KCNIP4: variants seen among roughly 807,000 people sequenced by gnomAD.
KCNIP4 encodes the protein potassium voltage-gated channel interacting protein 4.
A neutral mutation model predicts 34.0 loss-of-function variants in KCNIP4; 12 were observed. The observed-to-expected ratio is 0.35, with a 90% confidence interval of 0.23 to 0.57. The LOEUF is 0.57. Ranked by LOEUF, KCNIP4 falls within the 20% of genes least tolerant of loss-of-function variation. The probability of loss-of-function intolerance (pLI) is 0.83; values close to 1 mark genes in which losing one functional copy is unlikely to be tolerated. For synonymous variants in KCNIP4, 124 were observed against 102.2 expected, an observed-to-expected ratio of 1.21 and a Z score of -1.29; for missense variants, 238 against 311.7, an observed-to-expected ratio of 0.76 and a Z score of 1.78.
At chr4:21,137,712 A>G (rs1751607322) in intron 1 of KCNIP4, among the ~76,000 whole-genome samples, 1 of 152,084 alleles carries the variant, frequency 6.6e-6, no homozygotes, top group African/African-American at 2.4e-5. Context: ...AGTTATGATG[A>G]GATTACTAGC....
At chr4:21,296,335 G>A (rs1170357704) in intron 1 of KCNIP4, among the ~76,000 whole-genome samples, 1 of 151,508 alleles carries the variant, frequency 6.6e-6, no homozygotes, top group Non-Finnish European at 1.5e-5. Flanking sequence ...TACAAGCACA[G>A]CTCTCACTTG....
intron 1 of KCNIP4, among the ~76,000 whole-genome samples, chr4:21,497,856 A>G (rs1385108138): frequency 3.3e-5 from 5 of 152,196 alleles, no homozygotes; most frequent in Non-Finnish European, 5.9e-5. Context: ...TTACAATACA[A>G]TAAAAACGTC....
At chr4:21,065,909 T>C (rs1744342032) in intron 1 of KCNIP4, among the ~76,000 whole-genome samples, 1 of 151,836 alleles carries the variant, frequency 6.6e-6, no homozygotes, top group South Asian at 2.1e-4. Context: ...TTTATTTTAA[T>C]ATTTGTGATT....
At chr4:21,544,295 T>C (rs985270550) in intron 1 of KCNIP4, 1 of 151,800 alleles carries the variant, frequency 6.6e-6, no homozygotes, top group African/African-American at 2.4e-5. Flanking sequence ...AACACATACA[T>C]AAAAAATTTA....
At chr4:21,205,937 G>A (rs1325241050) in intron 1 of KCNIP4, among the ~76,000 whole-genome samples, 1 of 152,104 alleles carries the variant, frequency 6.6e-6, no homozygotes, top group African/African-American at 2.4e-5. Flanking sequence ...CCGTGACATC[G>A]AGAGAGCTGC....
At chr4:21,717,760 C>T (rs1214593800) in intron 1 of KCNIP4, among the ~76,000 whole-genome samples, 1 of 152,146 alleles carries the variant, frequency 6.6e-6, no homozygotes, top group South Asian at 2.1e-4. Context: ...GGCTCTTGAT[C>T]ACTGTCATTT....
intron 1 of KCNIP4, among the ~76,000 whole-genome samples, chr4:21,506,305 C>T (rs1045194253): frequency 2.0e-5 from 3 of 152,084 alleles, no homozygotes; most frequent in African/African-American, 7.2e-5. Flanking sequence ...TTCATAGCCA[C>T]CTGACATTGG....
intron 1 of KCNIP4, among the ~76,000 whole-genome samples, chr4:21,245,737 G>A (rs962342191): frequency 3.9e-5 from 6 of 152,100 alleles, no homozygotes; most frequent in Non-Finnish European, 5.9e-5. Flanking sequence ...GCACGTGGCA[G>A]ACAGACCCAG....
chr4:21,763,397 G>C lies in KCNIP4; in HGVS notation c.61+185174C>G, dbSNP rs572114668. Reference sequence around the variant, plus strand: ...GGCTTTATCTCTTTCCATAATGAAGGTTTAATCATTCCTTTCTTTTTCTTT... The same window carrying C: ...GGCTTTATCTCTTTCCATAATGAAGCTTTAATCATTCCTTTCTTTTTCTTT... On this transcript the variant is annotated intron_variant, in intron 1 of 8. Coordinates refer to ENST00000382152, the MANE Select transcript of KCNIP4 (RefSeq NM_025221.6). Among the ~76,000 whole-genome samples the C allele has an allele frequency of 5.3e-5, 8 of 152,236 alleles. No homozygotes were observed. In the South Asian group the frequency reaches 8.3e-4, roughly 16 times the overall value.
At chr4:20,920,115 T>C (rs1445048117) in intron 1 of KCNIP4, among the ~76,000 whole-genome samples, 3 of 152,230 alleles carry the variant, frequency 2.0e-5, no homozygotes, top group Non-Finnish European at 4.4e-5. Flanking sequence ...TTTTCATATA[T>C]TGAAATTTAT....
At chr4:21,848,569 C>T (rs1187950733) in intron 1 of KCNIP4, 11 of 151,986 alleles carry the variant, frequency 7.2e-5, no homozygotes, top group Admixed American at 7.2e-4. Context: ...CTAAAATATC[C>T]ATAAAGGCCT....
At chr4:21,332,022 T>C (rs1399190716) in intron 1 of KCNIP4, among the ~76,000 whole-genome samples, 1 of 152,032 alleles carries the variant, frequency 6.6e-6, no homozygotes, top group East Asian at 1.9e-4. Context: ...TAGTAGAAAG[T>C]CAACATCCAG....
chr4:20,914,200 T>C (rs1287980277), intron 1 of KCNIP4, among the ~76,000 whole-genome samples: 1 of 151,982 alleles, frequency 6.6e-6, no homozygotes, highest in Non-Finnish European at 1.5e-5. Flanking sequence ...AGGCATTCAA[T>C]AAGTACTTAA....
intron 1 of KCNIP4, among the ~76,000 whole-genome samples, chr4:20,927,166 A>T (rs1560575930): frequency 6.6e-6 from 1 of 152,098 alleles, no homozygotes; most frequent in East Asian, 1.9e-4. Context: ...TTTAGTAGAG[A>T]CAGGGTTTTA....
intron 1 of KCNIP4, chr4:21,303,824 A>G (rs2109249530): frequency 6.2e-7 from 1 of 1,613,980 alleles, no homozygotes. Flanking sequence ...ACCTGCTTCA[A>G]TCAGCCCAAA....
chr4:20,954,863 T>G (rs928271093), intron 1 of KCNIP4, among the ~76,000 whole-genome samples: 1 of 152,232 alleles, frequency 6.6e-6, no homozygotes, highest in African/African-American at 2.4e-5. Context: ...AATCCTATTA[T>G]GTGCCACCCT....
chr4:21,309,191 C>T (rs1482097783), intron 1 of KCNIP4, among the ~76,000 whole-genome samples: 4 of 152,102 alleles, frequency 2.6e-5, no homozygotes, highest in Admixed American at 6.5e-5. Context: ...CTCTAGATTC[C>T]AGGCTGGGAA....
At chr4:21,815,758 GA>G (rs1721952280) in intron 1 of KCNIP4, among the ~76,000 whole-genome samples, 1 of 152,024 alleles carries the variant, frequency 6.6e-6, no homozygotes, top group African/African-American at 2.4e-5. Context: ...CTTTTTAAAT[GA>G]GAAACTGAGT....
intron 1 of KCNIP4, among the ~76,000 whole-genome samples, chr4:21,856,273 A>G (rs6840931): frequency 3.3e-4 from 51 of 152,332 alleles, no homozygotes; most frequent in African/African-American, 1.2e-3. Context: ...AATAACTAAT[A>G]AGTACTCAGA....
Sources: gnomAD v4.1 joint callset for allele counts (sites outside exome capture counted in the v4.1 genomes callset) on GRCh38, gnomAD v4.1.1 for gene constraint, MANE v1.5 for transcripts, NCBI Gene and HGNC (gene_info 2026-07-23, HGNC 2026-07-21) for gene names.